Variants in GCNT1 observed in about 807,000 individuals in gnomAD.
GCNT1 encodes glucosaminyl (N-acetyl) transferase 1, also known as beta-1,3-galactosyl-O-glycosyl-glycoprotein beta-1,6-N-acetylglucosaminyltransferase.
GCNT1 carries 16 observed loss-of-function variants against 26.2 expected under a neutral mutation model. That is an observed-to-expected ratio of 0.61 (90% CI 0.41 to 0.93). The LOEUF (loss-of-function observed/expected upper bound fraction) is 0.93, where lower values mean the gene tolerates loss of function less well. GCNT1 is among the 40% of genes least tolerant of loss of function. The pLI is 0.00. For synonymous variants in GCNT1, 183 were observed against 190.8 expected, an observed-to-expected ratio of 0.96 and a Z score of 0.34; for missense variants, 477 against 526.7, an observed-to-expected ratio of 0.91 and a Z score of 0.92.
chr9:76,465,255 A>G (rs1292325681), intron 2 of GCNT1, among the ~76,000 whole-genome samples: 1 of 151,246 alleles, frequency 6.6e-6, no homozygotes, highest in African/African-American at 2.4e-5. Context: ...TGCCCCAAGT[A>G]GCTGGAATTA....
chr9:76,485,693 C>T (rs1237309413), intron 2 of GCNT1, among the ~76,000 whole-genome samples: 1 of 151,722 alleles, frequency 6.6e-6, no homozygotes, highest in African/African-American at 2.4e-5. Context: ...TCTGTTGCCT[C>T]TCATTTATAT....
intron 2 of GCNT1, among the ~76,000 whole-genome samples, chr9:76,484,380 AAAAG>A (rs954195193): frequency 5.3e-5 from 8 of 152,150 alleles, no homozygotes; most frequent in African/African-American, 1.7e-4. Context: ...AAAAAAAAAA[AAAAG>A]AGAGAGAAAG....
chr9:76,483,500 G>A (rs940401331), intron 2 of GCNT1, among the ~76,000 whole-genome samples: 4 of 151,764 alleles, frequency 2.6e-5, no homozygotes, highest in East Asian at 3.9e-4. Flanking sequence ...CCGCAGCCTC[G>A]AACTCCTGGG....
rs568504065 is a variant in GCNT1 at position 76,493,046 on chromosome 9, T to A, written c.-289-7870T>A. Among the ~76,000 whole-genome samples, 37 of 152,092 alleles carry A rather than the reference T, an allele frequency of 2.4e-4. 1 individual carries two copies. The highest frequency in any genetic ancestry group is 8.4e-4 in the African/African-American group (35 of 41,472). On this transcript the variant is annotated intron_variant, in intron 2 of 3. Coordinates refer to ENST00000376730, the MANE Select transcript of GCNT1 (RefSeq NM_001490.5). ...TCGAGGGAGTCGGGTGACAGGGGAG[T>A]ATATTTTCTTAAGGCCTCCCGTAGC...
chr9:76,464,210 C>G (rs1823946266), intron 2 of GCNT1, among the ~76,000 whole-genome samples: 1 of 151,816 alleles, frequency 6.6e-6, no homozygotes, highest in Admixed American at 6.6e-5. Flanking sequence ...TAGTGGAAAC[C>G]CACTTTTTGT....
At chr9:76,425,513 G>C (rs900190416) in intron 1 of GCNT1, among the ~76,000 whole-genome samples, 1 of 152,086 alleles carries the variant, frequency 6.6e-6, no homozygotes, top group Non-Finnish European at 1.5e-5. Flanking sequence ...ATGAGCCACT[G>C]CACCCGGCCT....
chr9:76,493,307 T>C (rs939372718), intron 2 of GCNT1, among the ~76,000 whole-genome samples: 58 of 152,316 alleles, frequency 3.8e-4, no homozygotes, highest in African/African-American at 1.3e-3. Context: ...TATCATTTAC[T>C]TGACTAAGAT....
chr9:76,437,900 A>G (rs1219685734), upstream of GCNT1, among the ~76,000 whole-genome samples: 3 of 152,244 alleles, frequency 2.0e-5, no homozygotes, highest in African/African-American at 7.2e-5. Flanking sequence ...GAGAGTTCCC[A>G]AGCATGTCTT....
At chr9:76,464,030 C>CTTT (rs1192946211) in intron 2 of GCNT1, among the ~76,000 whole-genome samples, 47 of 128,304 alleles carry the variant, frequency 3.7e-4, no homozygotes, top group Non-Finnish European at 6.1e-4. Flanking sequence ...ACTCCCATCT[C>CTTT]TTTTTTTGTT....
intron 1 of GCNT1, among the ~76,000 whole-genome samples, chr9:76,447,829 T>C (rs1310100990): frequency 1.3e-5 from 2 of 152,244 alleles, no homozygotes; most frequent in South Asian, 2.1e-4. Flanking sequence ...TTCTTTAGCA[T>C]GTCAGTCCAC....
intron 2 of GCNT1, among the ~76,000 whole-genome samples, chr9:76,467,697 C>G (rs1440010319): frequency 2.6e-5 from 4 of 152,088 alleles, no homozygotes; most frequent in Non-Finnish European, 5.9e-5. Flanking sequence ...CTGGAGTTTA[C>G]TGCATTTGTC....
intron 2 of GCNT1, among the ~76,000 whole-genome samples, chr9:76,500,638 G>A (rs1370806486): frequency 1.3e-5 from 2 of 152,112 alleles, no homozygotes; most frequent in African/African-American, 4.8e-5. Context: ...CTGTTAAACT[G>A]TTCCTTGGTA....
At chr9:76,402,177 G>A in the GCNT1 span, among the ~76,000 whole-genome samples, 2 of 152,160 alleles carry the variant, frequency 1.3e-5, no homozygotes, top group Admixed American at 6.5e-5. Context: ...CAGAGGAGAG[G>A]CAGAGAGCTT....
intron 2 of GCNT1, among the ~76,000 whole-genome samples, chr9:76,476,976 A>T (rs1395587171): frequency 6.6e-6 from 1 of 151,920 alleles, no homozygotes; most frequent in Non-Finnish European, 1.5e-5. Flanking sequence ...TAGTGGTGCA[A>T]TCTTGGCTCA....
At chr9:76,399,422 C>A in the GCNT1 span, 1 of 1,507,658 alleles carries the variant, frequency 6.6e-7, no homozygotes, top group East Asian at 2.2e-5. Context: ...CACTGCTACT[C>A]AGCCTGAGGT....
the GCNT1 span, among the ~76,000 whole-genome samples, chr9:76,399,835 C>T: frequency 2.0e-5 from 3 of 152,068 alleles, no homozygotes; most frequent in Non-Finnish European, 4.4e-5. Flanking sequence ...ACTGAGATGT[C>T]CTTCAATAGG....
the GCNT1 span, among the ~76,000 whole-genome samples, chr9:76,407,951 C>A: frequency 1.3e-5 from 2 of 152,136 alleles, no homozygotes; most frequent in African/African-American, 4.8e-5. Context: ...AGAAAGGAAT[C>A]AAATTTTGTG....
chr9:76,424,187 A>G (rs1273039664), intron 1 of GCNT1, among the ~76,000 whole-genome samples: 2 of 152,208 alleles, frequency 1.3e-5, no homozygotes, highest in Non-Finnish European at 2.9e-5. Flanking sequence ...TAATCTTATA[A>G]AAAGTATCTA....
chr9:76,417,573 G>C (rs1396165551), upstream of GCNT1, among the ~76,000 whole-genome samples: 1 of 152,198 alleles, frequency 6.6e-6, no homozygotes, highest in East Asian at 1.9e-4. Flanking sequence ...AGGTACTGTT[G>C]GCTTTTCTGA....
Sources: gnomAD v4.1 joint callset for allele counts (sites outside exome capture counted in the v4.1 genomes callset) on GRCh38, gnomAD v4.1.1 for gene constraint, MANE v1.5 for transcripts, NCBI Gene and HGNC (gene_info 2026-07-23, HGNC 2026-07-21) for gene names.